Variants in ACBD6 observed in about 807,000 individuals in gnomAD.
ACBD6 encodes the protein acyl-CoA binding domain containing 6, also known as acyl-CoA-binding domain-containing protein 6.
A neutral mutation model predicts 37.2 loss-of-function variants in ACBD6; 28 were observed. The ratio of observed to expected loss-of-function variants is 0.75; its 90% CI spans 0.56 to 1.03. The LOEUF is 1.03. Among genes scored for constraint, ACBD6 ranks in the 50% least tolerant of loss-of-function variants. The probability of loss-of-function intolerance (pLI) is 0.00; values close to 1 mark genes in which losing one functional copy is unlikely to be tolerated. For synonymous variants in ACBD6, 113 were observed against 126.8 expected, an observed-to-expected ratio of 0.89 and a Z score of 0.73; for missense variants, 340 against 337.4, an observed-to-expected ratio of 1.01 and a Z score of -0.06.
rs565235798 is a variant in ACBD6, at chr1:180,365,246, T to C, written c.663+32270A>G. On this transcript the variant is annotated intron_variant, in intron 6 of 7. Coordinates refer to ENST00000367595, the MANE Select transcript of ACBD6 (RefSeq NM_032360.4). Reference sequence around the variant, plus strand: ...TTCAAAGCCTGTCAACAGAGGGCAGTAGGTACTCAGCTCTAGTTGATAGAA... The same window carrying C: ...TTCAAAGCCTGTCAACAGAGGGCAGCAGGTACTCAGCTCTAGTTGATAGAA... Among the ~76,000 whole-genome samples the C allele has an allele frequency of 8.5e-5, 13 of 152,280 alleles. No individual in the cohort carries two copies. The East Asian group carries it at 1.4e-3, about 16-fold the overall frequency.
At chr1:180,407,419 C>G (rs1647670311) in intron 5 of ACBD6, among the ~76,000 whole-genome samples, 1 of 152,202 alleles carries the variant, frequency 6.6e-6, no homozygotes, top group Admixed American at 6.5e-5. Context: ...TTTACACACA[C>G]AAAATATGTG....
At chr1:180,321,590 T>C (rs147310659) in intron 6 of ACBD6, among the ~76,000 whole-genome samples, 76 of 152,254 alleles carry the variant, frequency 5.0e-4, no homozygotes, top group African/African-American at 1.8e-3. Flanking sequence ...TGTTTGCATA[T>C]AGAAATGCTA....
intron 6 of ACBD6, among the ~76,000 whole-genome samples, chr1:180,394,935 T>C (rs913229087): frequency 1.3e-5 from 2 of 152,178 alleles, no homozygotes; most frequent in Admixed American, 6.5e-5. Flanking sequence ...CCTTACTATA[T>C]AAAAAGTTCC....
At chr1:180,472,778 T>C (rs1029672835) in intron 3 of ACBD6, among the ~76,000 whole-genome samples, 1 of 152,058 alleles carries the variant, frequency 6.6e-6, no homozygotes, top group South Asian at 2.1e-4. Flanking sequence ...TAATTAATCA[T>C]TATTATTATT....
Position 180,389,703 on chromosome 1 carries a change from G to A in ACBD6, c.663+7813C>T, listed in dbSNP as rs1653995679. 2.0e-5 allele frequency among the ~76,000 whole-genome samples: 3 copies of A among 152,180 alleles called. No individual in the cohort carries two copies. The South Asian group carries it at 6.2e-4, about 31-fold the overall frequency. ...TTTAATGATCGCCATTCTAACTGGT[G>A]TGAGATGGTATCTCATTGTGGTTTT... On this transcript the variant is annotated intron_variant, in intron 6 of 7. Transcript: ENST00000367595.
At chr1:180,314,830 A>G (rs895568004) in intron 6 of ACBD6, 108 bp from the exon 7 acceptor site, 38 of 831,698 alleles carry the variant, frequency 4.6e-5, no homozygotes, top group Non-Finnish European at 7.1e-5. Context: ...CCATAGGTTT[A>G]TCAGACTTAG....
At chr1:180,414,783 A>ATT (rs1309393474) in intron 4 of ACBD6, among the ~76,000 whole-genome samples, 2 of 152,236 alleles carry the variant, frequency 1.3e-5, no homozygotes, top group East Asian at 1.9e-4. Flanking sequence ...CATGTTTAAT[A>ATT]GGACTATATG....
intron 5 of ACBD6, 63 bp downstream of exon 5, chr1:180,413,302 GA>G: frequency 3.1e-6 from 4 of 1,269,938 alleles, no homozygotes; most frequent in Non-Finnish European, 2.3e-6. Flanking sequence ...TACCATTTAG[GA>G]AAAGGCACTG....
intron 3 of ACBD6, among the ~76,000 whole-genome samples, chr1:180,457,914 T>C (rs1395197843): frequency 6.6e-6 from 1 of 151,588 alleles, no homozygotes; most frequent in East Asian, 1.9e-4. Context: ...TGTCTCAGCC[T>C]CCTGAGTAGC....
At chr1:180,434,481 C>T (rs1424676252) in intron 3 of ACBD6, among the ~76,000 whole-genome samples, 2 of 152,296 alleles carry the variant, frequency 1.3e-5, no homozygotes, top group East Asian at 1.9e-4. Context: ...TTTTAAAGAT[C>T]TGAATAGGAA....
At chr1:180,493,926 G>T (rs929531271) in intron 2 of ACBD6, among the ~76,000 whole-genome samples, 3 of 152,194 alleles carry the variant, frequency 2.0e-5, no homozygotes, top group African/African-American at 7.2e-5. Context: ...GATTAATCAT[G>T]ATTAGAATTG....
chr1:180,274,758 G>C (rs1648924596), exon 10 of ACBD6: 4 of 686,474 alleles, frequency 5.8e-6, no homozygotes, highest in East Asian at 2.7e-5. Context: ...TGTTTCCCTG[G>C]GGAAGCAGTG....
At chr1:180,286,663 A>C (rs886660139), downstream of ACBD6, among the ~76,000 whole-genome samples, 1 of 152,240 alleles carries the variant, frequency 6.6e-6, no homozygotes, top group Non-Finnish European at 1.5e-5. Context: ...GCTCTACTAG[A>C]ATTACAGCAT....
intron 4 of ACBD6, among the ~76,000 whole-genome samples, chr1:180,421,998 T>C (rs890332232): frequency 1.4e-4 from 22 of 152,224 alleles, no homozygotes; most frequent in African/African-American, 5.3e-4. Context: ...TTTCCAGGTA[T>C]AGATCCTTCA....
At chr1:180,415,043 C>T (rs1355866735) in intron 4 of ACBD6, among the ~76,000 whole-genome samples, 3 of 151,822 alleles carry the variant, frequency 2.0e-5, no homozygotes, top group Non-Finnish European at 4.4e-5. Context: ...CGCCACTGCA[C>T]TCCAGCCTGG....
intron 3 of ACBD6, among the ~76,000 whole-genome samples, chr1:180,454,599 TG>T (rs1649843898): frequency 6.6e-6 from 1 of 151,956 alleles, no homozygotes; most frequent in African/African-American, 2.4e-5. Flanking sequence ...GTCTACAAAA[TG>T]GGAGAAAATT....
intron 9 of ACBD6, chr1:180,278,398 A>C (rs1480279628): frequency 6.6e-6 from 1 of 152,058 alleles, no homozygotes; most frequent in Non-Finnish European, 1.5e-5. Flanking sequence ...CAACTGTTCT[A>C]AACAGTGAGT....
At chr1:180,421,370 T>A (rs532812219) in intron 4 of ACBD6, among the ~76,000 whole-genome samples, 1 of 152,366 alleles carries the variant, frequency 6.6e-6, no homozygotes, top group African/African-American at 2.4e-5. Flanking sequence ...GGCTGTATAG[T>A]ATTCTACATT....
intron 5 of ACBD6, among the ~76,000 whole-genome samples, chr1:180,403,855 T>G (rs963472225): frequency 2.0e-5 from 3 of 152,006 alleles, no homozygotes; most frequent in African/African-American, 7.2e-5. Flanking sequence ...TCCACTTAAA[T>G]GAAGTACCTG....
Sources: gnomAD v4.1 joint callset for allele counts (sites outside exome capture counted in the v4.1 genomes callset) on GRCh38, gnomAD v4.1.1 for gene constraint, MANE v1.5 for transcripts, NCBI Gene and HGNC (gene_info 2026-07-23, HGNC 2026-07-21) for gene names.